FGF13: variants seen among roughly 807,000 people sequenced by gnomAD.
FGF13 encodes the protein fibroblast growth factor 13, also known as fibroblast growth factor homologous factor 2.
FGF13 carries 2 observed loss-of-function variants against 19.5 expected under a neutral mutation model. The observed-to-expected ratio is 0.10, with a 90% CI of 0.04 to 0.32. The LOEUF (loss-of-function observed/expected upper bound fraction) is 0.32, where lower values mean the gene tolerates loss of function less well. Among genes scored for constraint, FGF13 ranks in the 10% least tolerant of loss-of-function variants. The pLI, the probability that FGF13 is intolerant of heterozygous loss-of-function variation, is 1.00. For missense variants in FGF13, 113 were observed against 192.7 expected (o/e 0.59, Z 2.45); for synonymous variants, 72 against 76.9 (o/e 0.94, Z 0.33).
At chrX:138,761,387 G>A (rs1015660005) in intron 3 of FGF13, among the ~76,000 whole-genome samples, 1 of 110,864 alleles carries the variant, frequency 9.0e-6, no homozygotes, top group Non-Finnish European at 1.9e-5. Flanking sequence ...CTGCTCTCCC[G>A]GAGCTCTGAG....
At chrX:139,054,413 G>A (rs760991914) in intron 1 of FGF13, among the ~76,000 whole-genome samples, 17 of 111,182 alleles carry the variant, frequency 1.5e-4, no homozygotes, top group South Asian at 3.8e-4. Context: ...GTGAGCCACC[G>A]CGCCCGGCTG....
chrX:138,827,621 C>T (rs1375386009), intron 3 of FGF13, among the ~76,000 whole-genome samples: 1 of 111,281 alleles, frequency 9.0e-6, no homozygotes, highest in Non-Finnish European at 1.9e-5. Context: ...ACTCAGGAAT[C>T]ATTCTAGAAG....
intron 1 of FGF13, among the ~76,000 whole-genome samples, chrX:139,178,138 A>T (rs2084206879): frequency 1.8e-5 from 2 of 111,908 alleles, no homozygotes; most frequent in African/African-American, 3.3e-5. Flanking sequence ...GGAGCTGCAG[A>T]CTGGAGCTGT....
chrX:139,066,852 C>A (rs1193080676), intron 1 of FGF13, among the ~76,000 whole-genome samples: 1 of 110,957 alleles, frequency 9.0e-6, no homozygotes, highest in Non-Finnish European at 1.9e-5. Flanking sequence ...AGGCCAATAT[C>A]CCTGATGAAC....
intron 3 of FGF13, among the ~76,000 whole-genome samples, chrX:138,768,705 A>G (rs1009619140): frequency 5.9e-5 from 6 of 101,884 alleles, no homozygotes; most frequent in South Asian, 4.1e-4. Flanking sequence ...TATATATTAT[A>G]TATATATATA....
intron 3 of FGF13, among the ~76,000 whole-genome samples, chrX:138,761,279 G>C (rs962876678): frequency 2.7e-5 from 3 of 111,432 alleles, no homozygotes; most frequent in African/African-American, 9.8e-5. Flanking sequence ...TTGCCATTCA[G>C]ATCTTGTTAA....
At chrX:138,914,415 A>T (rs1446065354) in intron 1 of FGF13, among the ~76,000 whole-genome samples, 2 of 111,039 alleles carry the variant, frequency 1.8e-5, no homozygotes, top group African/African-American at 6.6e-5. Context: ...CTCTTTCTGA[A>T]ACCATTTGCA....
chrX:138,737,224 C>T (rs1025686183), intron 1 of FGF13, among the ~76,000 whole-genome samples: 10 of 111,096 alleles, frequency 9.0e-5, no homozygotes, highest in Admixed American at 3.8e-4. Context: ...CTTGTGGATG[C>T]GGTGGCTGGG....
chrX:138,676,412 G>A (rs1305763799), intron 3 of FGF13, among the ~76,000 whole-genome samples: 2 of 111,102 alleles, frequency 1.8e-5, no homozygotes, highest in African/African-American at 6.6e-5. Flanking sequence ...TAATGGACTT[G>A]GAAAACCCAC....
intron 1 of FGF13, among the ~76,000 whole-genome samples, chrX:139,166,711 T>C (rs1184853558): frequency 9.0e-6 from 1 of 111,468 alleles, no homozygotes; most frequent in Non-Finnish European, 1.9e-5. Flanking sequence ...CCAGACACCA[T>C]GCCACTGGAC....
At chrX:139,202,486 C>T (rs2084422649) in intron 1 of FGF13, among the ~76,000 whole-genome samples, 1 of 111,917 alleles carries the variant, frequency 8.9e-6, no homozygotes, top group Admixed American at 9.4e-5. Flanking sequence ...TACTCTTTCA[C>T]TTGGGATTGA....
In FGF13 at chrX:139,125,724, T is replaced by C. The variant is rs762646379; in HGVS notation, c.-113+77692A>G. Among the ~76,000 whole-genome samples the C allele has an allele frequency of 1.7e-3, 187 of 111,714 alleles. 2 individuals carry two copies. Among genetic ancestry groups the C allele is most frequent in the Admixed American group, 3.2e-3 (34 of 10,502 alleles). ...CCCTGTGTTAGGGGGACAGTAAGAA[T>C]GAAGATTCATGGCTGACAAGCACAC... is the stretch of plus-strand genomic sequence containing the variant. On this transcript the variant is annotated intron_variant, in intron 1 of 2. Coordinates refer to the FGF13 transcript ENST00000421460.
At chrX:139,059,345 A>G (rs728186) in intron 1 of FGF13, among the ~76,000 whole-genome samples, 53,862 of 109,035 alleles carry the variant, frequency 0.49, 10,010 homozygotes, top group Middle Eastern at 0.61. Context: ...ACCAGACAGT[A>G]TACCTGAGTC....
intron 1 of FGF13, among the ~76,000 whole-genome samples, chrX:138,734,632 T>C (rs1347821877): frequency 8.9e-6 from 1 of 111,894 alleles, no homozygotes; most frequent in African/African-American, 3.2e-5. Context: ...AATTTTCACA[T>C]ACATTTAAGT....
At chrX:138,808,503 T>C (rs1042226590) in intron 3 of FGF13, among the ~76,000 whole-genome samples, 2 of 111,295 alleles carry the variant, frequency 1.8e-5, no homozygotes, top group African/African-American at 6.6e-5. Flanking sequence ...AGATCTAAAA[T>C]TGACACCCTA....
intron 1 of FGF13, among the ~76,000 whole-genome samples, chrX:138,974,916 C>G (rs183383709): frequency 8.0e-5 from 9 of 112,105 alleles, no homozygotes; most frequent in African/African-American, 2.9e-4. Flanking sequence ...TTACAGGCAC[C>G]CTAATTTTTA....
rs144278831 is a variant in FGF13 at position 138,700,856 on chromosome X, G to A, written c.402+2128C>T. 4.4e-3 allele frequency among the ~76,000 whole-genome samples: 493 copies of A among 111,551 alleles called. 4 individuals carry two copies. Among genetic ancestry groups the A allele is most frequent in the Middle Eastern group, 0.014 (3 of 216 alleles). ...GGATGTATATTGGCCCACCCATCAC[G>A]GAAAGGAAGTTCACCAATCTACAGT... On this transcript the variant is annotated intron_variant, in intron 3 of 4. Coordinates refer to ENST00000315930, the MANE Select transcript of FGF13 (RefSeq NM_004114.5).
chrX:138,824,994 C>T, intron 3 of FGF13, among the ~76,000 whole-genome samples: 1 of 111,825 alleles, frequency 8.9e-6, no homozygotes, highest in Middle Eastern at 4.6e-3. Context: ...CATACAGGAC[C>T]AAGGACATGA....
intron 1 of FGF13, among the ~76,000 whole-genome samples, chrX:139,006,775 A>C (rs2092103344): frequency 8.9e-6 from 1 of 111,982 alleles, no homozygotes; most frequent in Non-Finnish European, 1.9e-5. Flanking sequence ...TTTATTATCA[A>C]GTAAAAATAA....
Sources: gnomAD v4.1 joint callset for allele counts (sites outside exome capture counted in the v4.1 genomes callset) on GRCh38, gnomAD v4.1.1 for gene constraint, MANE v1.5 for transcripts, NCBI Gene and HGNC (gene_info 2026-07-23, HGNC 2026-07-21) for gene names.